The following DNAH12 variants were observed in gnomAD, a reference collection of about 807,000 sequenced individuals.
DNAH12 encodes the protein dynein axonemal heavy chain 12, also known as axonemal beta dynein heavy chain 12.
DNAH12 carries 285 observed loss-of-function variants against 371.5 expected under a neutral mutation model. The observed-to-expected ratio is 0.77, with a 90% CI of 0.70 to 0.85. The LOEUF is 0.85. Ranked by LOEUF, DNAH12 falls within the 40% of genes least tolerant of loss-of-function variation. DNAH12 has a pLI of 0.00. For synonymous variants in DNAH12, 1,200 were observed against 1,213.0 expected (o/e 0.99, Z 0.22); for missense variants, 3,611 against 3,689.4 (o/e 0.98, Z 0.55).
chr3:57,430,878 A>C (rs1026715867), intron 32 of DNAH12, among the ~76,000 whole-genome samples: 1 of 152,222 alleles, frequency 6.6e-6, no homozygotes, highest in Non-Finnish European at 1.5e-5. Flanking sequence ...TGGATTGTCC[A>C]ATACGGTAGC....
At chr3:57,420,908 CAAA>C (rs369971376) in intron 36 of DNAH12, among the ~76,000 whole-genome samples, 95 of 77,996 alleles carry the variant, frequency 1.2e-3, no homozygotes, top group African/African-American at 4.7e-3. Flanking sequence ...GACTCCGTCT[CAAA>C]AAAAAAAAAA....
chr3:57,296,235 G>A lies in DNAH12; in HGVS notation c.11624+109C>T, dbSNP rs913928820. The A allele has an allele frequency of 1.3e-5, 9 of 689,692 alleles. No individual in the cohort carries two copies. In the African/African-American group the frequency reaches 1.6e-4, roughly 12 times the overall value. 42.7% of individuals were successfully genotyped at this position (689,692 alleles called of 1,614,324 possible). ...TAATAATTTATGTGAGAGTTCTGATGTTATTATTACTTGCCTTAAAAGAGG... is the reference window on the plus strand; with the variant it reads ...TAATAATTTATGTGAGAGTTCTGATATTATTATTACTTGCCTTAAAAGAGG... On this transcript the variant is annotated intron_variant, in intron 72 of 73. Coordinates refer to ENST00000495027, the MANE Select transcript of DNAH12 (RefSeq NM_001366028.2).
Position 57,428,741 on chromosome 3 carries a change from C to A in DNAH12, c.5145G>T (p.Leu1715Phe), listed in dbSNP as rs1559648575. The A allele has an allele frequency of 1.3e-6, 2 of 1,551,568 alleles. No individual in the cohort carries two copies. The highest frequency in any genetic ancestry group is 1.7e-6 in the Non-Finnish European group (2 of 1,146,942). ...LGWEPLVSSW[L>F]NSLKGPLCEP... ...CACACAGAGGTCCTTTCAGTGAATT[C>A]AACCAAGAAGACACAAGTGGTTCCC... The change falls in exon 34 of 74, where the codon TTG (leucine) becomes TTT (phenylalanine). Residue 1715 changes from leucine (L) to phenylalanine (F), a missense_variant. By Grantham distance (22) the Leu-to-Phe change is conservative. Coordinates refer to ENST00000495027, the MANE Select transcript of DNAH12 (RefSeq NM_001366028.2).
At chr3:57,347,821 C>A (rs185309241) in intron 60 of DNAH12, among the ~76,000 whole-genome samples, 240 of 151,896 alleles carry the variant, frequency 1.6e-3, no homozygotes, top group Non-Finnish European at 3.0e-3. Context: ...CATCACATTT[C>A]ATTAGGAAAT....
intron 23 of DNAH12, among the ~76,000 whole-genome samples, chr3:57,454,397 T>G (rs2065843905): frequency 6.6e-6 from 1 of 151,820 alleles, no homozygotes; most frequent in Non-Finnish European, 1.5e-5. Flanking sequence ...GGAGAATCAC[T>G]TGAACCTGGG....
intron 2 of DNAH12, among the ~76,000 whole-genome samples, chr3:57,534,745 G>A (rs2068971459): frequency 6.6e-6 from 1 of 152,196 alleles, no homozygotes; most frequent in African/African-American, 2.4e-5. Flanking sequence ...CTGACCTCTG[G>A]TGATCCACCC....
intron 67 of DNAH12, among the ~76,000 whole-genome samples, chr3:57,310,081 A>G (rs1287613857): frequency 6.6e-6 from 1 of 152,172 alleles, no homozygotes; most frequent in African/African-American, 2.4e-5. Flanking sequence ...TCTTTCTTGT[A>G]CCAGGATGAA....
chr3:57,351,525 G>C (rs1226665367), intron 60 of DNAH12, among the ~76,000 whole-genome samples: 1 of 152,156 alleles, frequency 6.6e-6, no homozygotes, highest in Non-Finnish European at 1.5e-5. Flanking sequence ...TCTGTTCATT[G>C]AGTAGAACAG....
At chr3:57,509,361 G>A (rs2067895049) in intron 5 of DNAH12, 149 bp from the exon 6 acceptor site, 1 of 703,916 alleles carries the variant, frequency 1.4e-6, no homozygotes, top group Non-Finnish European at 2.3e-6. Context: ...ACAAAATCAA[G>A]TTCTTGGTAG....
chr3:57,478,565 T>TA (rs989738638), intron 13 of DNAH12, among the ~76,000 whole-genome samples: 174 of 152,060 alleles, frequency 1.1e-3, no homozygotes, highest in African/African-American at 3.9e-3. Context: ...ATTCAGGAAA[T>TA]ACACAGAATT....
chr3:57,426,080 G>GT (rs2153363766), intron 34 of DNAH12, among the ~76,000 whole-genome samples: 1 of 152,232 alleles, frequency 6.6e-6, no homozygotes, highest in South Asian at 2.1e-4. Flanking sequence ...GAAGGAAAAT[G>GT]TAAGTTTGCC....
Position 57,509,204 on chromosome 3 carries a change from C to A in DNAH12, c.478G>T (p.Val160Phe). 2 of 1,613,448 alleles carry A rather than the reference C, an allele frequency of 1.2e-6. No individual in the cohort carries two copies. Among genetic ancestry groups the A allele is most frequent in the Non-Finnish European group, 1.7e-6 (2 of 1,179,756 alleles). Residue 160 changes from valine (V) to phenylalanine (F), a missense_variant, in exon 6 of 74, where the codon GTT becomes TTT. This residue lies in a region of DNAH12 where 1,314 missense variants were observed against 1,398.7 expected (regional missense o/e 0.94). Transcript: ENST00000495027. ...GATTTAACTGGTGGTTTCACAAGAA[C>A]GCTCTGCACTAAAATACATGGATAT... is the stretch of plus-strand genomic sequence containing the variant. ...NSMKRYLVQS[V>F]LVKPPVKSLE... is the part of the protein sequence containing the mutation.
intron 30 of DNAH12, among the ~76,000 whole-genome samples, chr3:57,435,983 A>G (rs1367869518): frequency 6.6e-6 from 1 of 151,800 alleles, no homozygotes; most frequent in Non-Finnish European, 1.5e-5. Context: ...ACATTTCTCA[A>G]CTCTCCCAAG....
chr3:57,425,492 C>T (rs1343852198), intron 34 of DNAH12, among the ~76,000 whole-genome samples: 1 of 152,108 alleles, frequency 6.6e-6, no homozygotes, highest in Non-Finnish European at 1.5e-5. Flanking sequence ...CAGCCTCAAC[C>T]TTCTGGACTC....
At position 57,334,895 on chromosome 3, in the gene DNAH12, A is replaced by G; in HGVS notation, c.9720T>C (p.Thr3240=). The G allele has an allele frequency of 6.4e-7, 1 of 1,551,660 alleles. No homozygotes were observed. ...IEYQELMFLL[T]GGVSLKSAEK... is the part of the protein sequence containing the mutation. ...CAGCACTTTTAAGACTTACTCCTCC[A>G]GTTAAAAGAAACATCAGTTCCTGGT... Residue 3240 remains threonine, a synonymous_variant, in exon 61 of 74, where the codon ACT becomes ACC. Coordinates refer to ENST00000495027, the MANE Select transcript of DNAH12 (RefSeq NM_001366028.2).
intron 62 of DNAH12, among the ~76,000 whole-genome samples, chr3:57,331,043 GCTT>G (rs1471929775): frequency 6.6e-6 from 1 of 152,152 alleles, no homozygotes; most frequent in Non-Finnish European, 1.5e-5. Flanking sequence ...CATTTGTTGA[GCTT>G]CTACCATCTG....
intron 51 of DNAH12, among the ~76,000 whole-genome samples, chr3:57,379,774 G>C (rs1404027797): frequency 1.4e-5 from 2 of 145,712 alleles, no homozygotes; most frequent in Non-Finnish European, 3.0e-5. Flanking sequence ...CTAGGAGGTG[G>C]AGGTTGCAGT....
chr3:57,426,604 C>T (rs1463326471), intron 34 of DNAH12, among the ~76,000 whole-genome samples: 1 of 151,530 alleles, frequency 6.6e-6, no homozygotes, highest in Admixed American at 6.6e-5. Context: ...CCGAGGTGGG[C>T]AGATTGCTTG....
chr3:57,508,305 C>T, intron 7 of DNAH12, 77 bp downstream of exon 7: 1 of 1,326,082 alleles, frequency 7.5e-7, no homozygotes, highest in South Asian at 1.8e-5. Context: ...TTTAGGATTC[C>T]ATTTTAAAAA....
Sources: gnomAD v4.1 joint callset for allele counts (sites outside exome capture counted in the v4.1 genomes callset) on GRCh38, gnomAD v4.1.1 for gene constraint, gnomAD v4.1.1 regional missense constraint, MANE v1.5 for transcripts, NCBI Gene and HGNC (gene_info 2026-07-23, HGNC 2026-07-21) for gene names.